The following AHCYL2 variants were observed in gnomAD, a reference collection of about 807,000 sequenced individuals.
The protein encoded by AHCYL2 is adenosylhomocysteinase like 2, also known as S-adenosylhomocysteine hydrolase-like protein 2.
In AHCYL2, 28 loss-of-function variants were observed where a neutral mutation model predicts 81.4. The ratio of observed to expected loss-of-function variants is 0.34; its 90% CI spans 0.25 to 0.47. AHCYL2 has a LOEUF of 0.47. Ranked by LOEUF, AHCYL2 falls within the 20% of genes least tolerant of loss-of-function variation. The probability of loss-of-function intolerance (pLI) is 1.00; values close to 1 mark genes in which losing one functional copy is unlikely to be tolerated. For missense variants in AHCYL2, 551 were observed against 785.1 expected (o/e 0.70, Z 3.56); for synonymous variants, 272 against 290.2 (o/e 0.94, Z 0.64).
At position 129,405,221 on chromosome 7, in the gene AHCYL2, T is replaced by G; in HGVS notation, c.1142+8T>G. On this transcript the variant is annotated splice_region_variant and intron_variant, in intron 8 of 16. Coordinates refer to ENST00000325006, the MANE Select transcript of AHCYL2 (RefSeq NM_015328.4). Reference sequence around the variant, plus strand: ...TGAATCAATTCTTGATGGGTAATGTTTATTATCTTTGAGATGAAGTTGTGA... The same window carrying G: ...TGAATCAATTCTTGATGGGTAATGTGTATTATCTTTGAGATGAAGTTGTGA... 1 of 1,580,336 alleles carries G rather than the reference T, an allele frequency of 6.3e-7. No individual in the cohort carries two copies. The highest frequency in any genetic ancestry group is 8.6e-7 in the Non-Finnish European group (1 of 1,161,200).
chr7:129,290,016 A>G (rs1400999107), intron 1 of AHCYL2, among the ~76,000 whole-genome samples: 2 of 151,924 alleles, frequency 1.3e-5, no homozygotes, highest in African/African-American at 4.8e-5. Flanking sequence ...TCTTGACCTC[A>G]GGTGATCCTC....
At chr7:129,423,660 T>C (rs910086939) in intron 13 of AHCYL2, among the ~76,000 whole-genome samples, 1 of 152,212 alleles carries the variant, frequency 6.6e-6, no homozygotes, top group South Asian at 2.1e-4. Context: ...AATACTTTTC[T>C]CAATTTTGAT....
At chr7:129,376,568 C>G (rs995462327) in intron 1 of AHCYL2, among the ~76,000 whole-genome samples, 1 of 152,174 alleles carries the variant, frequency 6.6e-6, no homozygotes, top group African/African-American at 2.4e-5. Context: ...GAAGACAGCT[C>G]AGCTCAGATA....
chr7:129,235,796 C>T (rs112428295), intron 1 of AHCYL2, among the ~76,000 whole-genome samples: 1,643 of 152,250 alleles, frequency 0.011, 40 homozygotes, highest in African/African-American at 0.038. Flanking sequence ...GTATCAGTAC[C>T]TATAGATCTG....
chr7:129,303,773 A>C (rs1010576138), intron 1 of AHCYL2, among the ~76,000 whole-genome samples: 1 of 152,120 alleles, frequency 6.6e-6, no homozygotes, highest in Non-Finnish European at 1.5e-5. Context: ...TTTTTGATAT[A>C]GGAACTTATA....
rs146049045 is a variant in AHCYL2 at position 129,372,978 on chromosome 7, G to T, written c.364-6660G>T. 3.9e-5 allele frequency among the ~76,000 whole-genome samples: 6 copies of T among 152,252 alleles called. No homozygotes were observed. In the East Asian group the frequency reaches 1.2e-3, roughly 29 times the overall value. ...AGAGAATCAGGGCTGCTTTACTCAC[G>T]CTTGGAGAAAGTGTTAGAGCAGTGG... On this transcript the variant is annotated intron_variant, in intron 1 of 16. Transcript: ENST00000325006.
At position 129,336,947 on chromosome 7, in the gene AHCYL2, A is replaced by C. The variant is rs532996014; in HGVS notation, c.364-42691A>C. Among the ~76,000 whole-genome samples the C allele has an allele frequency of 6.6e-5, 10 of 152,192 alleles. No homozygotes were observed. In the South Asian group the frequency reaches 2.1e-3, roughly 32 times the overall value. On this transcript the variant is annotated intron_variant, in intron 1 of 16. Coordinates refer to ENST00000325006, the MANE Select transcript of AHCYL2 (RefSeq NM_015328.4). ...TTTTTGTAAAGACGGGTGTCTCATC[A>C]TGTTGCCTAGGCTAGTCTCGAACTC...
At chr7:129,236,070 G>A (rs201920690) in intron 1 of AHCYL2, among the ~76,000 whole-genome samples, 2 of 145,698 alleles carry the variant, frequency 1.4e-5, no homozygotes, top group East Asian at 4.1e-4. Flanking sequence ...CACCTGGGCT[G>A]GAGTGCAATG....
chr7:129,305,481 A>C (rs925033649), intron 1 of AHCYL2, among the ~76,000 whole-genome samples: 3 of 152,136 alleles, frequency 2.0e-5, no homozygotes, highest in East Asian at 1.9e-4. Flanking sequence ...AACAAACAAA[A>C]AAAAACACTT....
At chr7:129,244,975 A>T (rs898143960) in intron 1 of AHCYL2, among the ~76,000 whole-genome samples, 1 of 152,024 alleles carries the variant, frequency 6.6e-6, no homozygotes. Context: ...CGTAGTGTAA[A>T]ATCCACCCAT....
At position 129,352,937 on chromosome 7, in the gene AHCYL2, C is replaced by CTTT. The variant is rs59762582; in HGVS notation, c.364-26680_364-26678dup. ...ATGTTTAGGCCTTTACCTCCTCATT[C>CTTT]TTTTTTTTTTTTTTTTTTTTTTTGG... On this transcript the variant is annotated intron_variant, in intron 1 of 16. Transcript: ENST00000325006. Among the ~76,000 whole-genome samples the CTTT allele has an allele frequency of 2.3e-3, 191 of 82,452 alleles. 2 individuals carry two copies. The highest frequency in any genetic ancestry group is 2.5e-3 in the Non-Finnish European group (111 of 44,760). The allele number at this position is 82,452 out of a possible 152,430, so 54.1% of individuals were successfully genotyped here.
At chr7:129,235,073 A>C (rs1193076527) in intron 1 of AHCYL2, among the ~76,000 whole-genome samples, 1 of 152,106 alleles carries the variant, frequency 6.6e-6, no homozygotes, top group African/African-American at 2.4e-5. Context: ...CCTCTTGCTA[A>C]AGTTGTTGAT....
chr7:129,352,415 CT>C (rs1290083904), intron 1 of AHCYL2, among the ~76,000 whole-genome samples: 2 of 147,030 alleles, frequency 1.4e-5, no homozygotes, highest in African/African-American at 5.1e-5. Context: ...GAGCTCCAGA[CT>C]CTCACTCTAC....
At chr7:129,298,249 A>G (rs1375909082) in intron 1 of AHCYL2, among the ~76,000 whole-genome samples, 1 of 152,242 alleles carries the variant, frequency 6.6e-6, no homozygotes, top group East Asian at 1.9e-4. Context: ...TTCACCAGCC[A>G]GCCTATTTCT....
chr7:129,421,887 T>C (rs1797135183), intron 12 of AHCYL2, among the ~76,000 whole-genome samples: 1 of 152,234 alleles, frequency 6.6e-6, no homozygotes, highest in Admixed American at 6.5e-5. Context: ...TGCTCTTTAC[T>C]ACAATGACTA....
At chr7:129,308,343 G>C (rs957052810) in intron 1 of AHCYL2, among the ~76,000 whole-genome samples, 1 of 152,178 alleles carries the variant, frequency 6.6e-6, no homozygotes, top group Non-Finnish European at 1.5e-5. Flanking sequence ...GCTGAGTCCT[G>C]TCTGGTGTTG....
intron 5 of AHCYL2, 64 bp from the exon 6 acceptor site, chr7:129,400,226 C>A: frequency 6.9e-7 from 1 of 1,446,416 alleles, no homozygotes. Context: ...AATCTTCTCA[C>A]TAAAATTAGG....
chr7:129,291,256 A>G (rs1448858008), intron 1 of AHCYL2, among the ~76,000 whole-genome samples: 2 of 152,194 alleles, frequency 1.3e-5, no homozygotes, highest in Non-Finnish European at 2.9e-5. Context: ...AAACAAAACT[A>G]AGTACCCACA....
intron 1 of AHCYL2, among the ~76,000 whole-genome samples, chr7:129,354,559 A>G (rs1242495525): frequency 6.6e-6 from 1 of 152,324 alleles, no homozygotes; most frequent in South Asian, 2.1e-4. Flanking sequence ...AGGCATGACC[A>G]TTTGGTAATG....
Sources: allele counts gnomAD v4.1 joint callset (sites outside exome capture counted in the v4.1 genomes callset), GRCh38; gene constraint gnomAD v4.1.1; transcripts MANE v1.5; gene names NCBI Gene and HGNC (gene_info 2026-07-23, HGNC 2026-07-21).